B3GALT5: variants seen among roughly 807,000 people sequenced by gnomAD.
B3GALT5 encodes UDP-Gal:betaGlcNAc beta 1,3-galactosyltransferase, polypeptide 5.
For synonymous variants in B3GALT5, 156 were observed against 158.6 expected, an observed-to-expected ratio of 0.98 and a Z score of 0.12; for missense variants, 328 against 396.6, an observed-to-expected ratio of 0.83 and a Z score of 1.47.
In B3GALT5 at chr21:39,660,975, T is replaced by A. The variant is rs2079513255; in HGVS notation, c.416T>A (p.Ile139Lys). ...YNLTLKTMMG[I>K]EWVHRFCPQA... Reference sequence around the variant, plus strand: ...CTGACCCTGAAGACCATGATGGGCATAGAATGGGTCCATCGCTTTTGTCCT... The same window carrying A: ...CTGACCCTGAAGACCATGATGGGCAAAGAATGGGTCCATCGCTTTTGTCCT... Residue 139 changes from isoleucine to lysine, a missense_variant, in exon 4 of 4, where the codon ATA (isoleucine) becomes AAA (lysine). Ile to Lys is a moderately radical substitution (Grantham distance 102, BLOSUM62 -3). Coordinates refer to ENST00000684187, the MANE Select transcript of B3GALT5 (RefSeq NM_001356336.2). 1 of 1,609,752 alleles carries A rather than the reference T, an allele frequency of 6.2e-7. No homozygotes were observed. The highest frequency in any genetic ancestry group is 8.5e-7 in the Non-Finnish European group (1 of 1,177,052).
chr21:39,648,004 A>G (rs1256066466), intron 2 of B3GALT5, among the ~76,000 whole-genome samples: 6 of 152,120 alleles, frequency 3.9e-5, no homozygotes, highest in Non-Finnish European at 5.9e-5. Flanking sequence ...CTCTTTTGCT[A>G]TGGTATTAAT....
intron 1 of B3GALT5, 27 bp from the exon 2 acceptor site, chr21:39,646,365 A>G (rs2079339834): frequency 6.6e-6 from 1 of 152,226 alleles, no homozygotes; most frequent in African/African-American, 2.4e-5. Flanking sequence ...AAAATTACCT[A>G]ACGCTCTTAA....
chr21:39,660,189 A>C (rs2079497045), intron 3 of B3GALT5, among the ~76,000 whole-genome samples: 1 of 152,240 alleles, frequency 6.6e-6, no homozygotes, highest in Non-Finnish European at 1.5e-5. Flanking sequence ...CGTGGTTTCC[A>C]GACCTGCAGC....
intron 1 of B3GALT5, among the ~76,000 whole-genome samples, chr21:39,641,859 TA>T (rs1268383002): frequency 6.6e-6 from 1 of 152,242 alleles, no homozygotes; most frequent in African/African-American, 2.4e-5. Flanking sequence ...GTGAGACATG[TA>T]AAACTAACTG....
At chr21:39,620,858 A>G (rs1388207858) in intron 1 of B3GALT5, among the ~76,000 whole-genome samples, 2 of 152,204 alleles carry the variant, frequency 1.3e-5, no homozygotes, top group African/African-American at 4.8e-5. Context: ...GGTCTGACAT[A>G]ATAATCATAT....
At chr21:39,642,705 T>C (rs2079299808) in intron 1 of B3GALT5, among the ~76,000 whole-genome samples, 1 of 152,188 alleles carries the variant, frequency 6.6e-6, no homozygotes, top group Non-Finnish European at 1.5e-5. Flanking sequence ...GGAAGTGGGA[T>C]AATTTTGATT....
intron 1 of B3GALT5, among the ~76,000 whole-genome samples, chr21:39,625,114 C>T (rs768809641): frequency 4.5e-4 from 68 of 152,216 alleles, no homozygotes; most frequent in Non-Finnish European, 9.1e-4. Flanking sequence ...ACTTTTCATA[C>T]ATGCCACTTA....
chr21:39,671,913 G>A lies in B3GALT5; in HGVS notation c.*10421G>A, dbSNP rs377353274. 3 of 152,180 alleles carry A rather than the reference G, an allele frequency of 2.0e-5. No individual in the cohort carries two copies. Among genetic ancestry groups the A allele is most frequent in the African/African-American group, 4.8e-5 (2 of 41,440 alleles). The allele number at this position is 152,180 out of a possible 1,614,324, so 9.4% of individuals were successfully genotyped here. ...ACCCTCTGCACAGGGCAAGAGCCAC[G>A]CCAACAGGAGGAAGTTGGAGTGCAT... On this transcript the variant is annotated 3_prime_UTR_variant, in exon 4 of 4. Transcript: ENST00000684187.
intron 1 of B3GALT5, among the ~76,000 whole-genome samples, chr21:39,627,766 G>A (rs1282853921): frequency 6.6e-6 from 1 of 152,182 alleles, no homozygotes; most frequent in Admixed American, 6.5e-5. Context: ...AGAGGTGCTA[G>A]GATGTCTAAA....
At chr21:39,629,322 C>G (rs1397657926) in intron 1 of B3GALT5, among the ~76,000 whole-genome samples, 2 of 152,184 alleles carry the variant, frequency 1.3e-5, no homozygotes, top group Non-Finnish European at 2.9e-5. Flanking sequence ...GCCTTAACAT[C>G]TTGATTGTAT....
chr21:39,642,084 C>T lies in B3GALT5; in HGVS notation c.-391-4308C>T, dbSNP rs142007500. 4.2e-3 allele frequency among the ~76,000 whole-genome samples: 635 copies of T among 152,278 alleles called. 5 individuals are homozygous for T. Among genetic ancestry groups the T allele is most frequent in the East Asian group, 0.023 (118 of 5,180 alleles). On this transcript the variant is annotated intron_variant, in intron 1 of 3. Coordinates refer to ENST00000684187, the MANE Select transcript of B3GALT5 (RefSeq NM_001356336.2). The stretch of plus-strand genomic sequence containing the variant: ...ACCTTGCTCCGTAACTGTTGCTTTC[C>T]GTAGGAAAATCTTCCCTATAACAGG...
chr21:39,670,376 A>C lies in B3GALT5; in HGVS notation c.*8884A>C, dbSNP rs1341728330. On this transcript the variant is annotated 3_prime_UTR_variant, in exon 4 of 4. Transcript: ENST00000684187. ...GCAGTGGAAGAGCAAGGGGCGGTTT[A>C]ATTACCTGGGATGTAAAACAGCAGG... is the stretch of plus-strand genomic sequence containing the variant. 2 of 152,176 alleles carry C rather than the reference A, an allele frequency of 1.3e-5. No homozygotes were observed. The highest frequency in any genetic ancestry group is 3.8e-4 in the East Asian group (2 of 5,198). 9.4% of individuals were successfully genotyped at this position (152,176 alleles called of 1,614,324 possible).
At chr21:39,623,213 C>T (rs1602256070) in intron 1 of B3GALT5, among the ~76,000 whole-genome samples, 2 of 49,070 alleles carry the variant, frequency 4.1e-5, no homozygotes, top group South Asian at 1.1e-3. Flanking sequence ...CTCCCTCCCT[C>T]CCTCCCTCCC....
At chr21:39,617,789 G>A (rs2079114397) in intron 1 of B3GALT5, among the ~76,000 whole-genome samples, 1 of 152,112 alleles carries the variant, frequency 6.6e-6, no homozygotes, top group Admixed American at 6.5e-5. Flanking sequence ...TGTTAGCGTA[G>A]TTTATGTGTG....
intron 1 of B3GALT5, among the ~76,000 whole-genome samples, chr21:39,646,153 C>T (rs2079337116): frequency 6.6e-6 from 1 of 152,132 alleles, no homozygotes; most frequent in African/African-American, 2.4e-5. Flanking sequence ...CAGGCTGCCT[C>T]TGCAGCTTTG....
At chr21:39,644,890 CACTG>C in intron 1 of B3GALT5, among the ~76,000 whole-genome samples, 1 of 152,186 alleles carries the variant, frequency 6.6e-6, no homozygotes, top group Non-Finnish European at 1.5e-5. Flanking sequence ...CACCATGCTG[CACTG>C]ACTGTCTTGG....
chr21:39,659,358 G>A (rs1404362424), intron 2 of B3GALT5, among the ~76,000 whole-genome samples: 3 of 152,120 alleles, frequency 2.0e-5, no homozygotes, highest in East Asian at 1.9e-4. Flanking sequence ...TTAAAGTGCC[G>A]CTATTGTGTT....
intron 1 of B3GALT5, among the ~76,000 whole-genome samples, chr21:39,622,053 G>T (rs1432195091): frequency 6.6e-6 from 1 of 151,612 alleles, no homozygotes; most frequent in Non-Finnish European, 1.5e-5. Context: ...ATTTTTAATT[G>T]CTGTCCACAG....
intron 2 of B3GALT5, among the ~76,000 whole-genome samples, chr21:39,650,180 AAAAT>A (rs2079381732): frequency 6.6e-6 from 1 of 152,228 alleles, no homozygotes; most frequent in Non-Finnish European, 1.5e-5. Flanking sequence ...GAGACAAAAT[AAAAT>A]AAATACAGGT....
Sources: allele counts gnomAD v4.1 joint callset (sites outside exome capture counted in the v4.1 genomes callset), GRCh38; gene constraint gnomAD v4.1.1; transcripts MANE v1.5; gene names NCBI Gene and HGNC (gene_info 2026-07-23, HGNC 2026-07-21).